HOOK1: variants seen among roughly 807,000 people sequenced by gnomAD.
The protein encoded by HOOK1 is hook microtubule tethering protein 1, also known as protein Hook homolog 1.
Under a neutral mutation model 112.8 loss-of-function variants are expected in HOOK1, and 60 were observed. That is an observed-to-expected ratio of 0.53 (90% CI 0.43 to 0.66). HOOK1 has a LOEUF of 0.66. HOOK1 is among the 30% of genes least tolerant of loss of function. The pLI is 0.00. For synonymous variants in HOOK1, 294 were observed against 283.8 expected, an observed-to-expected ratio of 1.04 and a Z score of -0.36; for missense variants, 770 against 856.0, an observed-to-expected ratio of 0.90 and a Z score of 1.25.
chr1:59,840,274 G>T, intron 7 of HOOK1, 34 bp from the exon 8 acceptor site: 1 of 1,440,816 alleles, frequency 6.9e-7, no homozygotes, highest in South Asian at 1.4e-5. Context: ...GTCAAAACAC[G>T]ATTTACTAAG....
In HOOK1 at chr1:59,865,905, A is replaced by G; in HGVS notation, c.1778A>G (p.Gln593Arg). ...ATCAATGAACTTGAAGCTGCTCTTC[A>G]GAAGAAAGATGAAGATATGAAAGCA... ...QKINELEAAL[Q>R]KKDEDMKAME... The change falls in exon 19 of 22, where the codon CAG (glutamine) becomes CGG (arginine). Residue 593 changes from glutamine to arginine, a missense_variant. Gln to Arg is a conservative substitution (Grantham distance 43). Around this residue, in one of 3 missense-constraint regions of HOOK1, gnomAD observed 655 missense variants for 725.9 expected, o/e 0.90. Coordinates refer to ENST00000371208, the MANE Select transcript of HOOK1 (RefSeq NM_015888.6). 1 of 1,594,904 alleles carries G rather than the reference A, an allele frequency of 6.3e-7. No individual in the cohort carries two copies. Among genetic ancestry groups the G allele is most frequent in the African/African-American group, 1.4e-5 (1 of 73,976 alleles).
chr1:59,846,720 G>T lies in HOOK1; in HGVS notation c.789-325G>T, dbSNP rs369689609. 5.7e-3 allele frequency among the ~76,000 whole-genome samples: 864 copies of T among 150,514 alleles called. 3 individuals carry two copies. Among genetic ancestry groups the T allele is most frequent in the Admixed American group, 0.013 (195 of 14,972 alleles). ...TTGCTTGTCTTTTTGTTATTGTTTA[G>T]TTTGAAACTTTTTCTAAATTCTGTT... is the stretch of plus-strand genomic sequence containing the variant. On this transcript the variant is annotated intron_variant, in intron 9 of 21. Transcript: ENST00000371208.
In HOOK1 at chr1:59,876,308, A is replaced by T. The variant is rs1644125939; in HGVS notation, c.*3343A>T. 6.6e-6 allele frequency: 1 copy of T among 152,626 alleles called. No homozygotes were observed. The highest frequency in any genetic ancestry group is 6.5e-5 in the Admixed American group (1 of 15,280). The allele number at this position is 152,626 out of a possible 1,614,324, so 9.5% of individuals were successfully genotyped here. ...TTTAGGATATTATTTTAAATAAATG[A>T]TTGTCCATTATCAATATAATAGTTG... On this transcript the variant is annotated 3_prime_UTR_variant, in exon 22 of 22. Coordinates refer to ENST00000371208, the MANE Select transcript of HOOK1 (RefSeq NM_015888.6).
intron 2 of HOOK1, among the ~76,000 whole-genome samples, chr1:59,826,087 A>G (rs967530691): frequency 1.3e-5 from 2 of 152,176 alleles, no homozygotes; most frequent in African/African-American, 4.8e-5. Flanking sequence ...ACTAGTAGGT[A>G]TTTCTTACTA....
rs1412753080 is a variant in HOOK1, at chr1:59,873,787, A to G, written c.*822A>G. On this transcript the variant is annotated 3_prime_UTR_variant, in exon 22 of 22. Transcript: ENST00000371208. ...TATACTTTTTGTGAAATGTCTATAT[A>G]CTTTTTAAGGTAATTAATGAAGATT... 1.4e-5 allele frequency: 2 copies of G among 142,558 alleles called. No individual in the cohort carries two copies. Among genetic ancestry groups the G allele is most frequent in the African/African-American group, 5.1e-5 (2 of 38,964 alleles). The allele number at this position is 142,558 out of a possible 1,614,324, so 8.8% of individuals were successfully genotyped here.
chr1:59,815,157 C>T lies in HOOK1; in HGVS notation c.40C>T (p.Leu14=), dbSNP rs1365729150. Residue 14 remains leucine, a synonymous_variant, in exon 1 of 22, where the codon CTG becomes TTG. Coordinates refer to ENST00000371208, the MANE Select transcript of HOOK1 (RefSeq NM_015888.6). ...TQPPPQPKLP[L]CDSLMIWLQT... ...GCCGCCGCCGCAGCCTAAGCTGCCC[C>T]TGTGCGACAGCCTCATGATCTGGGT... The T allele has an allele frequency of 2.6e-6, 4 of 1,543,892 alleles. No homozygotes were observed. The highest frequency in any genetic ancestry group is 2.4e-5 in the South Asian group (2 of 84,028).
At chr1:59,872,171 G>A (rs139841246) in intron 21 of HOOK1, among the ~76,000 whole-genome samples, 1 of 152,262 alleles carries the variant, frequency 6.6e-6, no homozygotes, top group Non-Finnish European at 1.5e-5. Context: ...GTGTTATGTG[G>A]TCTAGTGGGA....
intron 15 of HOOK1, among the ~76,000 whole-genome samples, chr1:59,861,530 T>C (rs1315897884): frequency 1.3e-5 from 2 of 152,186 alleles, no homozygotes; most frequent in East Asian, 3.8e-4. Context: ...CTAAGTACTT[T>C]TTTGCTATTA....
At chr1:59,844,521 A>C (rs2098402632) in intron 9 of HOOK1, among the ~76,000 whole-genome samples, 1 of 151,930 alleles carries the variant, frequency 6.6e-6, no homozygotes, top group South Asian at 2.1e-4. Context: ...GAGATCTGGT[A>C]GTGTAAGTAT....
rs575996483 is a variant in HOOK1 at position 59,860,297 on chromosome 1, C to T, written c.1501C>T (p.Arg501Cys). ...TCAGGAGCAGCTAGAACAGAAACAC[C>T]GTAAAATGAATGAACTGGAAACTGA... ...ELQEQLEQKH[R>C]KMNELETEQR... is the part of the protein sequence containing the mutation. The change falls in exon 15 of 22, where the codon CGT becomes TGT. Residue 501 changes from arginine to cysteine, a missense_variant. Physicochemically the swap from Arg to Cys is radical, Grantham distance 180. This residue lies in a region of HOOK1 where 655 missense variants were observed against 725.9 expected (regional missense o/e 0.90). Transcript: ENST00000371208. 1.0e-5 allele frequency: 16 copies of T among 1,605,310 alleles called. No homozygotes were observed. The highest frequency in any genetic ancestry group is 1.3e-5 in the African/African-American group (1 of 74,524).
At chr1:59,830,422 ATTCAC>A (rs138114531) in intron 3 of HOOK1, among the ~76,000 whole-genome samples, 48 of 152,164 alleles carry the variant, frequency 3.2e-4, no homozygotes, top group Non-Finnish European at 5.3e-4. Context: ...TCTTGAATGA[ATTCAC>A]TTATTATGAA....
chr1:59,864,836 C>G (rs1334441591), intron 17 of HOOK1, 170 bp downstream of exon 17: 1 of 578,708 alleles, frequency 1.7e-6, no homozygotes, highest in African/African-American at 1.9e-5. Flanking sequence ...CCCTACTACC[C>G]CCGTTCCAAA....
In HOOK1 at chr1:59,868,818, T is replaced by G. The variant is rs1323412293; in HGVS notation, c.1947+467T>G. Among the ~76,000 whole-genome samples the G allele has an allele frequency of 3.3e-5, 5 of 152,318 alleles. No individual in the cohort carries two copies. In the East Asian group the frequency reaches 5.8e-4, roughly 18 times the overall value. On this transcript the variant is annotated intron_variant, in intron 20 of 21. Coordinates refer to ENST00000371208, the MANE Select transcript of HOOK1 (RefSeq NM_015888.6). ...CTGGGAGAAGGAAGTACTCACAGAATTCCAGTGAACTCCTGAACTAAAGTG... is the reference window on the plus strand; with the variant it reads ...CTGGGAGAAGGAAGTACTCACAGAAGTCCAGTGAACTCCTGAACTAAAGTG...
intron 2 of HOOK1, among the ~76,000 whole-genome samples, chr1:59,827,779 G>T (rs1271809256): frequency 1.3e-5 from 2 of 151,350 alleles, no homozygotes; most frequent in Non-Finnish European, 2.9e-5. Flanking sequence ...TCTGGTTTTA[G>T]AACATATGAG....
chr1:59,863,067 T>C (rs1227663406), intron 16 of HOOK1, among the ~76,000 whole-genome samples, 190 bp downstream of exon 16: 1 of 152,164 alleles, frequency 6.6e-6, no homozygotes, highest in Non-Finnish European at 1.5e-5. Context: ...TCATCTACAT[T>C]GGAAGGTGAT....
rs536686612 is a variant in HOOK1, at chr1:59,858,496, G to A, written c.1311G>A (p.Gln437=). 11 of 1,611,660 alleles carry A rather than the reference G, an allele frequency of 6.8e-6. 1 individual carries two copies. The African/African-American group carries it at 9.3e-5, about 14-fold the overall frequency. ...NEELRCSQVQ[Q]DHLNQTDASA... ...AGCTTCGATGTTCACAAGTACAACA[G>A]GACCACCTAAACCAAACAGGTTAAT... The change falls in exon 13 of 22, where the codon CAG becomes CAA. Residue 437 remains glutamine (Q), a synonymous_variant. Transcript: ENST00000371208.
chr1:59,860,422 A>C, intron 15 of HOOK1, 94 bp downstream of exon 15: 1 of 1,087,226 alleles, frequency 9.2e-7, no homozygotes, highest in Non-Finnish European at 1.3e-6. Context: ...ATTGTAGCTA[A>C]AGTAATTAGA....
intron 9 of HOOK1, among the ~76,000 whole-genome samples, chr1:59,844,238 C>T (rs1438479171): frequency 6.6e-6 from 1 of 151,990 alleles, no homozygotes. Context: ...TTTGCTTTAG[C>T]AATCTCTGTA....
At chr1:59,841,902 T>C (rs1345828305) in intron 8 of HOOK1, among the ~76,000 whole-genome samples, 1 of 152,034 alleles carries the variant, frequency 6.6e-6, no homozygotes, top group Non-Finnish European at 1.5e-5. Context: ...CTTATCACCA[T>C]GAGAGCTTGT....
Sources: gnomAD v4.1 joint callset for allele counts (sites outside exome capture counted in the v4.1 genomes callset) on GRCh38, gnomAD v4.1.1 for gene constraint, gnomAD v4.1.1 regional missense constraint, MANE v1.5 for transcripts, NCBI Gene and HGNC (gene_info 2026-07-23, HGNC 2026-07-21) for gene names.